Variants in ANO2 observed in about 807,000 individuals in gnomAD.
ANO2 encodes the protein anoctamin-2.
A neutral mutation model predicts 124.2 loss-of-function variants in ANO2; 101 were observed. That is an observed-to-expected ratio of 0.81 (90% CI 0.69 to 0.96). The LOEUF (loss-of-function observed/expected upper bound fraction) is 0.96. Among genes scored for constraint, ANO2 ranks in the 40% least tolerant of loss-of-function variants. The pLI, the probability that ANO2 is intolerant of heterozygous loss-of-function variation, is 0.00. For synonymous variants in ANO2, 486 were observed against 482.5 expected (o/e 1.01, Z -0.09); for missense variants, 1,293 against 1,274.5 (o/e 1.01, Z -0.22).
chr12:5,714,161 C>A (rs1347094630), intron 14 of ANO2, among the ~76,000 whole-genome samples: 1 of 152,202 alleles, frequency 6.6e-6, no homozygotes. Flanking sequence ...CCGGATCACT[C>A]CAGAGTTAAC....
rs3223418 is a variant in ANO2 at position 5,635,628 on chromosome 12, C to CACACACACACACAA, written c.1621-282_1621-281insTTGTGTGTGTGTGT. The stretch of plus-strand genomic sequence containing the variant: ...ACACACACACACACACACACACACA[C>CACACACACACACAA]AATAAGGATGAACATGCTGGACCCT... On this transcript the variant is annotated intron_variant, in intron 15 of 24. Transcript: ENST00000682330. The surrounding 1 kb of genome is among the most constrained non-coding windows in gnomAD (Gnocchi z 5.2). Among the ~76,000 whole-genome samples the CACACACACACACAA allele has an allele frequency of 6.6e-6, 1 of 151,396 alleles. No homozygotes were observed. The highest frequency in any genetic ancestry group is 2.4e-5 in the African/African-American group (1 of 41,078).
At chr12:5,698,133 C>T (rs1949262167) in intron 14 of ANO2, among the ~76,000 whole-genome samples, 3 of 152,226 alleles carry the variant, frequency 2.0e-5, no homozygotes, top group African/African-American at 7.2e-5. Context: ...GATCTGAGAA[C>T]AGACAGACTG....
chr12:5,923,396 G>A (rs1008906157), intron 1 of ANO2, among the ~76,000 whole-genome samples: 3 of 152,196 alleles, frequency 2.0e-5, no homozygotes, highest in East Asian at 3.9e-4. Flanking sequence ...TGGTGGGGGG[G>A]CACTGCCTGG....
intron 16 of ANO2, among the ~76,000 whole-genome samples, chr12:5,626,802 G>A (rs894848703): frequency 6.6e-6 from 1 of 152,192 alleles, no homozygotes; most frequent in East Asian, 1.9e-4. Flanking sequence ...AGATGTGGGA[G>A]CATCAGGGAG....
chr12:5,680,324 C>A (rs1948435713), intron 14 of ANO2, among the ~76,000 whole-genome samples: 1 of 152,126 alleles, frequency 6.6e-6, no homozygotes, highest in Non-Finnish European at 1.5e-5. Context: ...AAAGAATCCA[C>A]CTGCACCCAC....
chr12:5,815,457 T>C (rs1441020864), intron 7 of ANO2, among the ~76,000 whole-genome samples: 1 of 152,166 alleles, frequency 6.6e-6, no homozygotes, highest in Non-Finnish European at 1.5e-5. Context: ...TACGCCTTTA[T>C]GTGGAGAATA....
chr12:5,882,428 G>A (rs1299094987), intron 3 of ANO2, among the ~76,000 whole-genome samples: 1 of 152,202 alleles, frequency 6.6e-6, no homozygotes, highest in Non-Finnish European at 1.5e-5. Context: ...AATTTTGAGA[G>A]GCATGGACTT....
chr12:5,673,017 C>A (rs1379896697), intron 14 of ANO2, among the ~76,000 whole-genome samples: 1 of 152,204 alleles, frequency 6.6e-6, no homozygotes, highest in Non-Finnish European at 1.5e-5. Context: ...ATGTCTCCAT[C>A]TGCCCAGGTC....
At position 5,792,651 on chromosome 12, in the gene ANO2, G is replaced by A. The variant is rs112651197; in HGVS notation, c.1055+6856C>T. On this transcript the variant is annotated intron_variant, in intron 10 of 24. Coordinates refer to ENST00000682330, the MANE Select transcript of ANO2 (RefSeq NM_001364791.2). ...TGCCTGATGCATAGCTGATACCTCTGAGCCCATCACAAATGGCTAGTCGAA... is the reference window on the plus strand; with the variant it reads ...TGCCTGATGCATAGCTGATACCTCTAAGCCCATCACAAATGGCTAGTCGAA... 5.3e-5 allele frequency among the ~76,000 whole-genome samples: 8 copies of A among 152,276 alleles called. 1 individual carries two copies. Among genetic ancestry groups the A allele is most frequent in the African/African-American group, 1.7e-4 (7 of 41,548 alleles).
intron 4 of ANO2, chr12:5,839,463 C>T (rs976066210): frequency 2.4e-6 from 1 of 412,384 alleles, no homozygotes; most frequent in Admixed American, 2.6e-5. Flanking sequence ...GAGCGCTACT[C>T]CAGACTCACC....
intron 20 of ANO2, among the ~76,000 whole-genome samples, chr12:5,597,364 C>T (rs553151493): frequency 1.1e-4 from 16 of 152,268 alleles, no homozygotes; most frequent in Admixed American, 9.2e-4. Context: ...GTTTTCTGTT[C>T]CTGCATTAGT....
chr12:5,677,064 AAAAT>A (rs1948278892), intron 14 of ANO2, among the ~76,000 whole-genome samples: 1 of 151,386 alleles, frequency 6.6e-6, no homozygotes, highest in Admixed American at 6.6e-5. Flanking sequence ...AAAAAATAAA[AAAAT>A]AAAGAAGAAG....
At chr12:5,863,074 T>C (rs1955320957) in intron 3 of ANO2, among the ~76,000 whole-genome samples, 1 of 152,206 alleles carries the variant, frequency 6.6e-6, no homozygotes, top group Non-Finnish European at 1.5e-5. Flanking sequence ...CCTTCCACCG[T>C]GATTGGGAGG....
At chr12:5,800,324 G>A (rs143567188) in intron 9 of ANO2, among the ~76,000 whole-genome samples, 1 of 152,220 alleles carries the variant, frequency 6.6e-6, no homozygotes, top group Non-Finnish European at 1.5e-5. Flanking sequence ...GGGATTTGCA[G>A]GTCATGCTAA....
chr12:5,820,323 G>A (rs1009477559), intron 7 of ANO2, among the ~76,000 whole-genome samples: 9 of 152,128 alleles, frequency 5.9e-5, no homozygotes, highest in African/African-American at 2.2e-4. Flanking sequence ...GGGGACTACT[G>A]GTCATTGGCT....
rs1945955345 is a variant in ANO2 at position 5,635,312 on chromosome 12, T to C, written c.1656A>G (p.Ile552Met). The C allele has an allele frequency of 2.5e-6, 4 of 1,601,766 alleles. No homozygotes were observed. The highest frequency in any genetic ancestry group is 1.8e-5 in the Admixed American group (1 of 56,512). Residue 552 changes from isoleucine (I) to methionine (M), a missense_variant, in exon 16 of 25, where the codon ATA becomes ATG. Transcript: ENST00000682330. This position sits in a 1 kb window ranked among gnomAD's most constrained non-coding sequence, Gnocchi z 5.2. ...ALTFSIVFGVIVYRITTAAAL... is the reference protein window; with the variant it reads ...ALTFSIVFGVMVYRITTAAAL... Reference sequence around the variant, plus strand: ...CGGCTGCAGTTGTTATTCGATACACTATCACCCCAAAGACGATTGAGAATG... The same window carrying C: ...CGGCTGCAGTTGTTATTCGATACACCATCACCCCAAAGACGATTGAGAATG...
At position 5,925,329 on chromosome 12, in the gene ANO2, G is replaced by A. The variant is rs1369907079; in HGVS notation, c.23-2525C>T. On this transcript the variant is annotated intron_variant, in intron 1 of 24. Coordinates refer to ENST00000682330, the MANE Select transcript of ANO2 (RefSeq NM_001364791.2). This position sits in a 1 kb window ranked among gnomAD's most constrained non-coding sequence, Gnocchi z 4.6. ...CCTGGAGTTTGAGGCTGACATTCAGGGCCCTCACTAGCCATCGCAGTTGCT... is the reference window on the plus strand; with the variant it reads ...CCTGGAGTTTGAGGCTGACATTCAGAGCCCTCACTAGCCATCGCAGTTGCT... Among the ~76,000 whole-genome samples the A allele has an allele frequency of 6.6e-6, 1 of 152,084 alleles. No homozygotes were observed. The highest frequency in any genetic ancestry group is 6.5e-5 in the Admixed American group (1 of 15,272).
chr12:5,763,893 G>A (rs1250800381), intron 10 of ANO2, among the ~76,000 whole-genome samples: 1 of 152,066 alleles, frequency 6.6e-6, no homozygotes, highest in Non-Finnish European at 1.5e-5. Context: ...TTGTTTGAAA[G>A]GATCAGTAAA....
chr12:5,647,624 C>G, intron 15 of ANO2, 103 bp downstream of exon 15: 1 of 985,178 alleles, frequency 1.0e-6, no homozygotes, highest in Non-Finnish European at 1.6e-6. Flanking sequence ...TCCCCTTTAC[C>G]AGCCTCTCAT....
Sources: gnomAD v4.1 joint callset for allele counts (sites outside exome capture counted in the v4.1 genomes callset) on GRCh38, gnomAD v4.1.1 for gene constraint, Gnocchi (gnomAD v3.1) non-coding constraint, MANE v1.5 for transcripts, NCBI Gene and HGNC (gene_info 2026-07-23, HGNC 2026-07-21) for gene names.